Variants in ANKFN1 observed in about 807,000 individuals in gnomAD.
ANKFN1 encodes the protein ankyrin repeat and fibronectin type III domain containing 1, also known as ankyrin repeat and fibronectin type-III domain-containing protein 1.
Under a neutral mutation model 108.7 loss-of-function variants are expected in ANKFN1, and 74 were observed. The observed-to-expected ratio is 0.68, with a 90% CI of 0.56 to 0.83. The LOEUF is 0.83. Among genes scored for constraint, ANKFN1 ranks in the 40% least tolerant of loss-of-function variants. ANKFN1 has a pLI of 0.00. For synonymous variants in ANKFN1, 547 were observed against 516.2 expected (o/e 1.06, Z -0.81); for missense variants, 1,505 against 1,382.3 (o/e 1.09, Z -1.41).
rs144696905 is a variant in ANKFN1, at chr17:56,080,251, C to T, written c.288+33926C>T. On this transcript the variant is annotated intron_variant, in intron 4 of 12. Coordinates refer to the ANKFN1 transcript ENST00000635860. The stretch of plus-strand genomic sequence containing the variant: ...AGTACCTGTCAAAGTATTCAATGTG[C>T]TTGTCTTTTGATAATCAGTCAGGTA... 1.9e-4 allele frequency among the ~76,000 whole-genome samples: 29 copies of T among 152,272 alleles called. No homozygotes were observed. The East Asian group carries it at 5.2e-3, about 27-fold the overall frequency.
At chr17:56,503,135 AT>A (rs11290218) in intron 20 of ANKFN1, among the ~76,000 whole-genome samples, 148,857 of 149,520 alleles carry the variant, frequency 1, 74,100 homozygotes, top group Non-Finnish European at 1. Context: ...GGCAGCAGCA[AT>A]TTTTTTTTTT....
chr17:56,363,551 C>T (rs1346955628), intron 6 of ANKFN1, among the ~76,000 whole-genome samples: 1 of 152,160 alleles, frequency 6.6e-6, no homozygotes, highest in Non-Finnish European at 1.5e-5. Flanking sequence ...ACCATATGAC[C>T]TAGTCATCCT....
At chr17:56,252,236 G>A (rs1302292174) in intron 3 of ANKFN1, 1 of 152,176 alleles carries the variant, frequency 6.6e-6, no homozygotes, top group Middle Eastern at 3.2e-3. Flanking sequence ...AGAAACAGAA[G>A]ACCTGGAGGT....
Position 56,302,679 on chromosome 17 carries a change from C to A in ANKFN1, c.54-23542C>A, listed in dbSNP as rs572384927. On this transcript the variant is annotated intron_variant, in intron 3 of 20. Transcript: ENST00000682825. ...AAAGTTAAAGTTCTTCATAATCCTA[C>A]CCCCACAAGATAACCATGTTAATAA... 7.2e-5 allele frequency among the ~76,000 whole-genome samples: 11 copies of A among 152,228 alleles called. No homozygotes were observed. In the South Asian group the frequency reaches 2.3e-3, roughly 32 times the overall value.
At position 56,485,638 on chromosome 17, in the gene ANKFN1, A is replaced by G. The variant is rs28507817; in HGVS notation, c.2260+3114A>G. ...AATCCAGTGGTCATCCCCCTAAAAA[A>G]TAAAAAATTTTAAAAATAATTTTTT... On this transcript the variant is annotated intron_variant, in intron 18 of 20. Coordinates refer to ENST00000682825, the MANE Select transcript of ANKFN1 (RefSeq NM_001370326.1). Among the ~76,000 whole-genome samples the G allele has an allele frequency of 2.8e-3, 431 of 152,342 alleles. 3 individuals carry two copies. Among genetic ancestry groups the G allele is most frequent in the African/African-American group, 9.9e-3 (412 of 41,568 alleles).
In ANKFN1 at chr17:56,480,706, A is replaced by G. The variant is rs1293379557; in HGVS notation, c.1979A>G (p.Glu660Gly). Residue 660 changes from glutamate (E) to glycine (G), a missense_variant, in exon 17 of 21, where the codon GAA (glutamate) becomes GGA (glycine). Transcript: ENST00000682825. ...TGGATCCAAAAGCTTTCTGGCTCTGAATCTATGGAAAGTGTGGATCATACT... is the reference window on the plus strand; with the variant it reads ...TGGATCCAAAAGCTTTCTGGCTCTGGATCTATGGAAAGTGTGGATCATACT... ...WEWIQKLSGS[E>G]SMESVDHTSD... The G allele has an allele frequency of 6.2e-7, 1 of 1,614,024 alleles. No individual in the cohort carries two copies. Among genetic ancestry groups the G allele is most frequent in the East Asian group, 2.2e-5 (1 of 44,874 alleles).
intron 8 of ANKFN1, among the ~76,000 whole-genome samples, chr17:56,382,426 G>A (rs987259185): frequency 3.3e-5 from 5 of 152,198 alleles, no homozygotes; most frequent in African/African-American, 4.8e-5. Flanking sequence ...ATCAACTAAC[G>A]AGCAAAATCA....
chr17:56,257,625 A>G (rs568073899), intron 3 of ANKFN1, among the ~76,000 whole-genome samples: 1 of 152,254 alleles, frequency 6.6e-6, no homozygotes, highest in African/African-American at 2.4e-5. Flanking sequence ...GCTACGGGGA[A>G]ATGAGGACAC....
intron 2 of ANKFN1, among the ~76,000 whole-genome samples, chr17:56,227,139 T>A (rs1005323128): frequency 6.6e-6 from 1 of 152,152 alleles, no homozygotes; most frequent in Admixed American, 6.6e-5. Flanking sequence ...ATAGTTCATA[T>A]CAATCATAGG....
intron 4 of ANKFN1, among the ~76,000 whole-genome samples, chr17:56,097,524 G>A (rs781330546): frequency 1.3e-4 from 20 of 152,338 alleles, no homozygotes; most frequent in Middle Eastern, 3.4e-3. Context: ...CCCACTGAAA[G>A]TTTGTTCTAG....
intron 1 of ANKFN1, among the ~76,000 whole-genome samples, chr17:56,201,117 C>T (rs1443692539): frequency 1.3e-5 from 2 of 152,146 alleles, no homozygotes; most frequent in African/African-American, 2.4e-5. Context: ...TGCAGCCTTC[C>T]CACCATTACT....
At position 56,334,681 on chromosome 17, in the gene ANKFN1, A is replaced by C. The variant is rs181830025; in HGVS notation, c.188+8326A>C. Among the ~76,000 whole-genome samples the C allele has an allele frequency of 7.2e-5, 11 of 152,260 alleles. No homozygotes were observed. In the East Asian group the frequency reaches 2.1e-3, roughly 29 times the overall value. ...GGAAATTGAGGTTCAGGGAAGCTAA[A>C]TAAGTTGCTCAAGGTCATACAGTTA... On this transcript the variant is annotated intron_variant, in intron 4 of 20. Coordinates refer to ENST00000682825, the MANE Select transcript of ANKFN1 (RefSeq NM_001370326.1).
intron 8 of ANKFN1, among the ~76,000 whole-genome samples, chr17:56,411,133 C>G (rs2048077540): frequency 6.6e-6 from 1 of 152,130 alleles, no homozygotes. Flanking sequence ...AGTCTATGAA[C>G]ATGGGATGTC....
intron 3 of ANKFN1, among the ~76,000 whole-genome samples, chr17:56,271,976 A>T (rs1343175123): frequency 6.6e-6 from 1 of 152,212 alleles, no homozygotes; most frequent in Admixed American, 6.5e-5. Context: ...CCCAATAAAT[A>T]GTAGCTGTTG....
At chr17:56,346,004 G>A (rs2046089887) in intron 4 of ANKFN1, among the ~76,000 whole-genome samples, 1 of 152,078 alleles carries the variant, frequency 6.6e-6, no homozygotes, top group Non-Finnish European at 1.5e-5. Flanking sequence ...TTTTCTTCTA[G>A]GGTTTTTATG....
chr17:56,409,849 C>T (rs951962207), intron 8 of ANKFN1, among the ~76,000 whole-genome samples: 1 of 150,716 alleles, frequency 6.6e-6, no homozygotes, highest in Non-Finnish European at 1.5e-5. Flanking sequence ...AGTTCCTCTA[C>T]TTAGCTGTGT....
At chr17:56,455,375 G>GA (rs1277685526) in intron 11 of ANKFN1, among the ~76,000 whole-genome samples, 1 of 152,122 alleles carries the variant, frequency 6.6e-6, no homozygotes, top group Admixed American at 6.5e-5. Flanking sequence ...GTTCAAGTCA[G>GA]AAAAAAGAAT....
chr17:56,136,105 T>G lies in ANKFN1; in HGVS notation c.288+89780T>G, dbSNP rs1217933256. ...AGGAAATGATCTGTCAGGAAGAGTT[T>G]GACCTGTGCCATCCAGAGGCACCTA... is the stretch of plus-strand genomic sequence containing the variant. On this transcript the variant is annotated intron_variant, in intron 4 of 12. Coordinates refer to the ANKFN1 transcript ENST00000635860. Among the ~76,000 whole-genome samples the G allele has an allele frequency of 5.9e-5, 9 of 152,174 alleles. No homozygotes were observed. The East Asian group carries it at 1.3e-3, about 23-fold the overall frequency.
chr17:56,099,873 G>A (rs963362551), intron 4 of ANKFN1, among the ~76,000 whole-genome samples: 1 of 152,216 alleles, frequency 6.6e-6, no homozygotes, highest in African/African-American at 2.4e-5. Context: ...TAGCCAATGG[G>A]TAACTTTACA....
Sources: gnomAD v4.1 joint callset for allele counts (sites outside exome capture counted in the v4.1 genomes callset) on GRCh38, gnomAD v4.1.1 for gene constraint, MANE v1.5 for transcripts, NCBI Gene and HGNC (gene_info 2026-07-23, HGNC 2026-07-21) for gene names.